The following GLIS3 variants were observed in gnomAD, a reference collection of about 807,000 sequenced individuals.
The protein encoded by GLIS3 is zinc finger protein GLIS3.
GLIS3 carries 53 observed loss-of-function variants against 78.6 expected under a neutral mutation model. The observed-to-expected ratio is 0.67, with a 90% confidence interval of 0.54 to 0.85. GLIS3 has a LOEUF of 0.85. Among genes scored for constraint, GLIS3 ranks in the 40% least tolerant of loss-of-function variants. GLIS3 has a pLI of 0.00. For missense variants in GLIS3, 1,703 were observed against 1,231.1 expected (o/e 1.38, Z -5.74); for synonymous variants, 684 against 509.9 (o/e 1.34, Z -4.60).
chr9:4,198,963 A>G (rs983674513), intron 2 of GLIS3, among the ~76,000 whole-genome samples: 2 of 152,232 alleles, frequency 1.3e-5, no homozygotes, highest in Non-Finnish European at 2.9e-5. Context: ...CCACCAAACT[A>G]AGCTTCATAA....
At chr9:3,990,117 G>A (rs975806583) in intron 4 of GLIS3, among the ~76,000 whole-genome samples, 4 of 152,194 alleles carry the variant, frequency 2.6e-5, no homozygotes, top group Admixed American at 2.6e-4. Context: ...TTACTACCAC[G>A]AAGTTCATTT....
At chr9:4,332,193 A>G (rs1044912870) in intron 2 of GLIS3, among the ~76,000 whole-genome samples, 1 of 152,164 alleles carries the variant, frequency 6.6e-6, no homozygotes, top group Non-Finnish European at 1.5e-5. Context: ...ATAGAAGAAA[A>G]TACCCCAATC....
chr9:3,924,135 G>C (rs1414294516), intron 6 of GLIS3, among the ~76,000 whole-genome samples: 1 of 152,124 alleles, frequency 6.6e-6, no homozygotes, highest in Non-Finnish European at 1.5e-5. Context: ...GCTTTCCTTT[G>C]TCTGGATCTT....
chr9:4,304,986 G>T (rs749743941), upstream of GLIS3, among the ~76,000 whole-genome samples: 80 of 152,176 alleles, frequency 5.3e-4, no homozygotes, highest in Non-Finnish European at 1.0e-3. Context: ...GGGTAAGAGT[G>T]TTGACTTCCT....
chr9:4,479,549 T>C, the GLIS3 span, among the ~76,000 whole-genome samples: 1 of 152,162 alleles, frequency 6.6e-6, no homozygotes, highest in East Asian at 1.9e-4. Flanking sequence ...TTCCCTAGAC[T>C]CTAAGGAGGG....
intron 4 of GLIS3, among the ~76,000 whole-genome samples, chr9:4,048,650 T>A (rs1327519835): frequency 6.6e-6 from 1 of 152,120 alleles, no homozygotes; most frequent in African/African-American, 2.4e-5. Context: ...TTTAAGACCA[T>A]GATCAATAGG....
chr9:4,388,630 G>A, the GLIS3 span, among the ~76,000 whole-genome samples: 2 of 151,860 alleles, frequency 1.3e-5, no homozygotes, highest in African/African-American at 4.8e-5. Context: ...GAGCCGAGAT[G>A]GCGCCACTGC....
chr9:4,315,415 C>A (rs1032443423), intron 2 of GLIS3, among the ~76,000 whole-genome samples: 2 of 152,138 alleles, frequency 1.3e-5, no homozygotes, highest in African/African-American at 4.8e-5. Flanking sequence ...ACTCTATATG[C>A]AATGACAATT....
At chr9:4,229,735 G>A (rs1228334801) in intron 2 of GLIS3, among the ~76,000 whole-genome samples, 1 of 152,178 alleles carries the variant, frequency 6.6e-6, no homozygotes, top group Non-Finnish European at 1.5e-5. Flanking sequence ...AACAACACAT[G>A]AAGCTCTTTC....
At chr9:3,840,770 G>C (rs1391303590) in intron 9 of GLIS3, among the ~76,000 whole-genome samples, 2 of 152,156 alleles carry the variant, frequency 1.3e-5, no homozygotes, top group Non-Finnish European at 2.9e-5. Context: ...AAGAAGCAAG[G>C]CCATTTTCAT....
intron 2 of GLIS3, among the ~76,000 whole-genome samples, chr9:4,178,335 G>C (rs893680626): frequency 6.6e-6 from 1 of 152,092 alleles, no homozygotes; most frequent in Admixed American, 6.6e-5. Flanking sequence ...ATCCTGCAAA[G>C]GAGGGTGGAA....
chr9:4,400,217 T>C, the GLIS3 span, among the ~76,000 whole-genome samples: 1 of 152,200 alleles, frequency 6.6e-6, no homozygotes, highest in East Asian at 1.9e-4. Context: ...ATCACTCTTC[T>C]GTGTGATGAT....
the GLIS3 span, among the ~76,000 whole-genome samples, chr9:4,384,303 A>G: frequency 6.9e-4 from 104 of 151,304 alleles, no homozygotes; most frequent in African/African-American, 2.4e-3. Context: ...ACTACTTTTT[A>G]GATAATACTG....
At chr9:4,116,360 C>T (rs1275185928) in intron 4 of GLIS3, among the ~76,000 whole-genome samples, 1 of 152,190 alleles carries the variant, frequency 6.6e-6, no homozygotes, top group African/African-American at 2.4e-5. Context: ...ACCCTAGTGA[C>T]AGAGTAAGGT....
At chr9:4,068,453 A>C (rs751027762) in intron 4 of GLIS3, among the ~76,000 whole-genome samples, 2 of 152,210 alleles carry the variant, frequency 1.3e-5, no homozygotes, top group African/African-American at 4.8e-5. Context: ...AGGGCAAAGA[A>C]ATATTTTATG....
At position 4,153,337 on chromosome 9, in the gene GLIS3, G is replaced by A. The variant is rs150260150; in HGVS notation, c.389-27396C>T. On this transcript the variant is annotated intron_variant, in intron 2 of 10. Transcript: ENST00000381971. ...CCAGCACTTTGGGAGGCTGAGGCGGGCAGATCATTTGAGGTCAGGAGTTCA... is the reference window on the plus strand; with the variant it reads ...CCAGCACTTTGGGAGGCTGAGGCGGACAGATCATTTGAGGTCAGGAGTTCA... 1.9e-3 allele frequency among the ~76,000 whole-genome samples: 286 copies of A among 152,324 alleles called. 2 individuals carry two copies. The highest frequency in any genetic ancestry group is 6.5e-3 in the African/African-American group (272 of 41,570).
the GLIS3 span, among the ~76,000 whole-genome samples, chr9:4,461,627 C>T: frequency 1.3e-5 from 2 of 152,168 alleles, no homozygotes; most frequent in Admixed American, 6.6e-5. Flanking sequence ...TGACTTCAGG[C>T]TTGGTCATGT....
chr9:4,213,745 T>G (rs2145782), intron 2 of GLIS3, among the ~76,000 whole-genome samples: 2 of 151,870 alleles, frequency 1.3e-5, no homozygotes, highest in African/African-American at 4.8e-5. Context: ...TGGGAATTAA[T>G]GCATAATATA....
At chr9:4,379,694 T>G in the GLIS3 span, among the ~76,000 whole-genome samples, 2 of 152,164 alleles carry the variant, frequency 1.3e-5, no homozygotes, top group Non-Finnish European at 2.9e-5. Flanking sequence ...CCCGCTCCAT[T>G]TGCAGTCAGC....
Sources: gnomAD v4.1 joint callset for allele counts (sites outside exome capture counted in the v4.1 genomes callset) on GRCh38, gnomAD v4.1.1 for gene constraint, MANE v1.5 for transcripts, NCBI Gene and HGNC (gene_info 2026-07-23, HGNC 2026-07-21) for gene names.